Variants in UNC5C observed in about 807,000 individuals in gnomAD.
The protein encoded by UNC5C is unc-5 netrin receptor C.
UNC5C carries 47 observed loss-of-function variants against 99.8 expected under a neutral mutation model. That is an observed-to-expected ratio of 0.47 (90% CI 0.37 to 0.60). The LOEUF (loss-of-function observed/expected upper bound fraction) is 0.60. Among genes scored for constraint, UNC5C ranks in the 20% least tolerant of loss-of-function variants. UNC5C has a pLI of 0.00. For synonymous variants in UNC5C, 487 were observed against 452.2 expected, an observed-to-expected ratio of 1.08 and a Z score of -0.98; for missense variants, 1,062 against 1,165.9, an observed-to-expected ratio of 0.91 and a Z score of 1.30.
At chr4:95,416,553 T>C (rs1055480496) in intron 1 of UNC5C, among the ~76,000 whole-genome samples, 3 of 152,154 alleles carry the variant, frequency 2.0e-5, no homozygotes, top group Non-Finnish European at 4.4e-5. Context: ...AGAAAAATAA[T>C]ATGTGAAAGT....
chr4:95,252,706 C>T lies in UNC5C; in HGVS notation c.595-2039G>A, dbSNP rs1467956062. ...AAAATCTGAAACTTTTGAGCACCAA[C>T]GTGACACCACAAGTAGAAAATCCCA... On this transcript the variant is annotated intron_variant, in intron 4 of 15. Coordinates refer to ENST00000453304, the MANE Select transcript of UNC5C (RefSeq NM_003728.4). Among the ~76,000 whole-genome samples the T allele has an allele frequency of 3.3e-5, 5 of 152,286 alleles. No homozygotes were observed. The East Asian group carries it at 7.7e-4, about 24-fold the overall frequency.
intron 1 of UNC5C, among the ~76,000 whole-genome samples, chr4:95,489,998 G>T (rs977955442): frequency 6.6e-6 from 1 of 151,424 alleles, no homozygotes; most frequent in Non-Finnish European, 1.5e-5. Flanking sequence ...TCAGAACCAT[G>T]GCACACAACT....
At chr4:95,477,388 A>G (rs192562471) in intron 1 of UNC5C, among the ~76,000 whole-genome samples, 2 of 152,210 alleles carry the variant, frequency 1.3e-5, no homozygotes, top group Admixed American at 1.3e-4. Flanking sequence ...CTCAAGTAAT[A>G]ATAACATATC....
chr4:95,287,745 C>T (rs184433871), intron 3 of UNC5C, among the ~76,000 whole-genome samples: 7 of 152,322 alleles, frequency 4.6e-5, no homozygotes, highest in Non-Finnish European at 1.0e-4. Context: ...CACAGAAACT[C>T]CTGATATGCA....
chr4:95,318,771 C>T (rs1742570952), intron 2 of UNC5C, among the ~76,000 whole-genome samples: 1 of 152,160 alleles, frequency 6.6e-6, no homozygotes. Context: ...GAGAGTTCCC[C>T]ACACTTCCCT....
intron 1 of UNC5C, among the ~76,000 whole-genome samples, chr4:95,425,849 C>A (rs943496810): frequency 1.3e-5 from 2 of 152,234 alleles, no homozygotes; most frequent in Middle Eastern, 3.4e-3. Context: ...CCATTAAGTA[C>A]TGTTAAATGT....
At chr4:95,424,521 T>TC (rs1160385592) in intron 1 of UNC5C, among the ~76,000 whole-genome samples, 6 of 126,808 alleles carry the variant, frequency 4.7e-5, no homozygotes, top group African/African-American at 9.4e-5. Flanking sequence ...TTCTTTTCTT[T>TC]TTTTTTTTTT....
chr4:95,442,508 G>A (rs1746979922), intron 1 of UNC5C, among the ~76,000 whole-genome samples: 1 of 150,716 alleles, frequency 6.6e-6, no homozygotes, highest in East Asian at 2.0e-4. Context: ...AAGCCCGCCT[G>A]TTTTTTAGAG....
At position 95,523,449 on chromosome 4, in the gene UNC5C, C is replaced by T. The variant is rs548085888; in HGVS notation, c.124+25285G>A. Reference sequence around the variant, plus strand: ...TTTGACATAACTGATCATCTCTGCACGTAGCAGAAACGGGCACTAGGATAG... The same window carrying T: ...TTTGACATAACTGATCATCTCTGCATGTAGCAGAAACGGGCACTAGGATAG... On this transcript the variant is annotated intron_variant, in intron 1 of 15. Transcript: ENST00000453304. Among the ~76,000 whole-genome samples the T allele has an allele frequency of 4.6e-5, 7 of 152,094 alleles. No individual in the cohort carries two copies. The South Asian group carries it at 1.0e-3, about 23-fold the overall frequency.
chr4:95,371,059 T>C (rs1431294858), intron 1 of UNC5C, among the ~76,000 whole-genome samples: 2 of 152,162 alleles, frequency 1.3e-5, no homozygotes, highest in Non-Finnish European at 2.9e-5. Flanking sequence ...AAAAGAGTAA[T>C]GCCAATTACT....
intron 12 of UNC5C, among the ~76,000 whole-genome samples, chr4:95,197,096 T>TA (rs1737457931): frequency 3.9e-5 from 5 of 129,126 alleles, no homozygotes; most frequent in Non-Finnish European, 7.8e-5. Context: ...ATATATAATA[T>TA]TTATATATTA....
intron 1 of UNC5C, among the ~76,000 whole-genome samples, chr4:95,544,142 C>A (rs1346241902): frequency 1.3e-5 from 2 of 152,150 alleles, no homozygotes. Context: ...ATATTATCCT[C>A]ATTTTTACAT....
At chr4:95,328,966 G>A (rs1459240411) in intron 2 of UNC5C, among the ~76,000 whole-genome samples, 1 of 152,144 alleles carries the variant, frequency 6.6e-6, no homozygotes, top group Non-Finnish European at 1.5e-5. Context: ...CTGTTTGAGT[G>A]TGGCTTAAAG....
chr4:95,518,465 A>G (rs1039143589), intron 1 of UNC5C, among the ~76,000 whole-genome samples: 16 of 152,232 alleles, frequency 1.1e-4, no homozygotes, highest in African/African-American at 2.2e-4. Flanking sequence ...TGCAAAATAT[A>G]GTCAAAATAT....
intron 7 of UNC5C, among the ~76,000 whole-genome samples, chr4:95,232,886 A>G (rs1738965201): frequency 6.6e-6 from 1 of 152,192 alleles, no homozygotes; most frequent in Non-Finnish European, 1.5e-5. Context: ...TATGACATCA[A>G]CTTCTTCCAA....
chr4:95,242,779 A>G (rs1739374781), intron 6 of UNC5C, among the ~76,000 whole-genome samples, 186 bp from the exon 7 acceptor site: 1 of 152,150 alleles, frequency 6.6e-6, no homozygotes, highest in African/African-American at 2.4e-5. Flanking sequence ...AGCTTTTCCT[A>G]TAGAGTGTGT....
At chr4:95,248,231 C>T in intron 5 of UNC5C, 1 of 232,324 alleles carries the variant, frequency 4.3e-6, no homozygotes. Flanking sequence ...TTGGCTGGGC[C>T]TAAGAATTAA....
chr4:95,363,867 C>T (rs1744471237), intron 1 of UNC5C, among the ~76,000 whole-genome samples: 1 of 152,110 alleles, frequency 6.6e-6, no homozygotes, highest in African/African-American at 2.4e-5. Context: ...CAGCCCTAGG[C>T]TTGGGGCAAT....
chr4:95,452,460 G>A (rs1349314722), intron 1 of UNC5C, among the ~76,000 whole-genome samples: 1 of 152,092 alleles, frequency 6.6e-6, no homozygotes, highest in Non-Finnish European at 1.5e-5. Context: ...TTCACCAGGG[G>A]ACAGTTCCAC....
Sources: gnomAD v4.1 joint callset for allele counts (sites outside exome capture counted in the v4.1 genomes callset) on GRCh38, gnomAD v4.1.1 for gene constraint, MANE v1.5 for transcripts, NCBI Gene and HGNC (gene_info 2026-07-23, HGNC 2026-07-21) for gene names.